VWA5B1: variants seen among roughly 807,000 people sequenced by gnomAD.
VWA5B1 encodes the protein von Willebrand factor A domain containing 5B1.
In VWA5B1, 115 loss-of-function variants were observed where a neutral mutation model predicts 118.2. The observed-to-expected ratio is 0.97, with a 90% CI of 0.84 to 1.14. The LOEUF (loss-of-function observed/expected upper bound fraction) is 1.14. Among genes scored for constraint, VWA5B1 ranks in the 50% most tolerant of loss-of-function variants. VWA5B1 has a pLI of 0.00. For synonymous variants in VWA5B1, 682 were observed against 658.4 expected, an observed-to-expected ratio of 1.04 and a Z score of -0.55; for missense variants, 1,596 against 1,603.8, an observed-to-expected ratio of 1.00 and a Z score of 0.08.
intron 16 of VWA5B1, among the ~76,000 whole-genome samples, chr1:20,344,814 T>G (rs1269328271): frequency 6.6e-6 from 1 of 152,230 alleles, no homozygotes; most frequent in African/African-American, 2.4e-5. Context: ...TCCCATGAGC[T>G]CCTCACCTTA....
rs1283491550 is a variant in VWA5B1, at chr1:20,291,451, G to T, written c.-27+363G>T. 5.9e-5 allele frequency among the ~76,000 whole-genome samples: 8 copies of T among 134,570 alleles called. No homozygotes were observed. In the East Asian group the frequency reaches 1.8e-3, roughly 31 times the overall value. 88.3% of individuals were successfully genotyped at this position (134,570 alleles called of 152,430 possible). On this transcript the variant is annotated intron_variant, in intron 1 of 21. Transcript: ENST00000289815. ...CTGCTCCCTCTTCTCTTTCTCGTTT[G>T]CTTTCTGTGTCTGTTTCTCTTTTTT...
chr1:20,327,102 A>G (rs2089409727), intron 8 of VWA5B1, among the ~76,000 whole-genome samples: 1 of 151,628 alleles, frequency 6.6e-6, no homozygotes, highest in South Asian at 2.1e-4. Flanking sequence ...TTTTCAGTCT[A>G]CCTTTATCAA....
chr1:20,316,987 C>G (rs2089029675), intron 4 of VWA5B1, among the ~76,000 whole-genome samples: 1 of 142,892 alleles, frequency 7.0e-6, no homozygotes, highest in Admixed American at 7.1e-5. Context: ...GAAGCTCCAT[C>G]TCTAGTAAAA....
intron 1 of VWA5B1, among the ~76,000 whole-genome samples, chr1:20,306,020 C>T (rs994114119): frequency 2.0e-5 from 3 of 151,880 alleles, no homozygotes; most frequent in African/African-American, 4.8e-5. Context: ...AAGGATGCAT[C>T]GATAAGAAAA....
chr1:20,295,007 C>T (rs1326065248), intron 1 of VWA5B1, among the ~76,000 whole-genome samples: 2 of 152,184 alleles, frequency 1.3e-5, no homozygotes, highest in African/African-American at 4.8e-5. Context: ...TAAGACCGCT[C>T]CATGCATGGA....
In VWA5B1 at chr1:20,330,927, T is replaced by C; in HGVS notation, c.1516T>C (p.Ser506Pro). ...CCACAGACTGGTGAAAGGACTGGCA[T>C]CTGTGTCCGAGGGCAGTGCTGAGCT... ...VCHRLVKGLA[S>P]VSEGSAELLM... Residue 506 changes from serine (S) to proline (P), a missense_variant, in exon 11 of 22, where the codon TCT becomes CCT. Transcript: ENST00000289815. The C allele has an allele frequency of 6.4e-7, 1 of 1,551,724 alleles. No individual in the cohort carries two copies. The highest frequency in any genetic ancestry group is 8.7e-7 in the Non-Finnish European group (1 of 1,146,996).
At chr1:20,314,694 A>T (rs1461458665) in intron 4 of VWA5B1, 102 bp downstream of exon 4, 5 of 1,477,048 alleles carry the variant, frequency 3.4e-6, no homozygotes, top group Non-Finnish European at 4.5e-6. Flanking sequence ...CAGGGAGGAG[A>T]TGGGGAGGCT....
Position 20,323,502 on chromosome 1 carries a change from CATG to C in VWA5B1, c.1115_1117del (p.Met372del). 1 of 1,517,336 alleles carries C rather than the reference CATG, an allele frequency of 6.6e-7. No homozygotes were observed. The highest frequency in any genetic ancestry group is 1.3e-5 in the South Asian group (1 of 78,616). The allele number at this position is 1,517,336 out of a possible 1,614,324, so 94.0% of individuals were successfully genotyped here. ...TCTTCCTCATTGACAGGAGCAGCAG[CATG>C]AGCGGGATCAGCATGCACCGAGTCA... On this transcript the variant is annotated inframe_deletion, in exon 8 of 22. Coordinates refer to ENST00000289815, the MANE Select transcript of VWA5B1 (RefSeq NM_001039500.3).
At chr1:20,344,310 C>T (rs2089963327) in intron 16 of VWA5B1, among the ~76,000 whole-genome samples, 1 of 152,154 alleles carries the variant, frequency 6.6e-6, no homozygotes, top group Admixed American at 6.5e-5. Context: ...TGACAGCCCA[C>T]ACCTTCCTCC....
Position 20,290,897 on chromosome 1 carries a change from C to A in VWA5B1, c.-218C>A, listed in dbSNP as rs1330450891. ...TCTGACAAAACAAATGGCTCGGCCT[C>A]CTGCAGGCCACCTAAACAGCTATCG... On this transcript the variant is annotated 5_prime_UTR_variant, in exon 1 of 22. Transcript: ENST00000289815. The A allele has an allele frequency of 6.6e-6, 1 of 152,376 alleles. No homozygotes were observed. The highest frequency in any genetic ancestry group is 2.4e-5 in the African/African-American group (1 of 41,458). 9.4% of individuals were successfully genotyped at this position (152,376 alleles called of 1,614,324 possible). A position where few individuals can be genotyped will look rare whatever the true frequency, so the allele number is the denominator to read the frequency against.
chr1:20,308,624 C>T (rs1351029568), intron 1 of VWA5B1, among the ~76,000 whole-genome samples: 2 of 152,174 alleles, frequency 1.3e-5, no homozygotes, highest in Admixed American at 6.5e-5. Flanking sequence ...AGAGAGATCT[C>T]CTGAGAGAAG....
intron 1 of VWA5B1, among the ~76,000 whole-genome samples, chr1:20,291,359 T>TTCTCTCTCTTTCTCTCTCTC: frequency 9.7e-6 from 1 of 103,408 alleles, no homozygotes; most frequent in East Asian, 3.0e-4. Flanking sequence ...CTTTCTTTCT[T>TTCTCTCTCTTTCTCTCTCTC]TCTCTCTCTC....
rs888446692 is a variant in VWA5B1, at chr1:20,357,961, C to T, written c.*3698C>T. 6.6e-6 allele frequency among the ~76,000 whole-genome samples: 1 copy of T among 152,184 alleles called. No individual in the cohort carries two copies. The highest frequency in any genetic ancestry group is 2.4e-5 in the African/African-American group (1 of 41,432). On this transcript the variant is annotated 3_prime_UTR_variant, in exon 22 of 22. Coordinates refer to ENST00000289815, the MANE Select transcript of VWA5B1 (RefSeq NM_001039500.3). ...CCTGCAACAGAGTGCCCCGAGGGCC[C>T]AACCTCCCACCACATGCAGATGCAG...
At chr1:20,348,421 T>G in intron 18 of VWA5B1, 63 bp downstream of exon 18, 1 of 1,506,332 alleles carries the variant, frequency 6.6e-7, no homozygotes, top group Non-Finnish European at 9.0e-7. Context: ...GCCCCTGAGG[T>G]TACCGCGTCC....
chr1:20,296,913 A>C (rs1199725686), intron 1 of VWA5B1, among the ~76,000 whole-genome samples: 1 of 152,206 alleles, frequency 6.6e-6, no homozygotes, highest in African/African-American at 2.4e-5. Flanking sequence ...ATGAATGACT[A>C]TGGAGTTCTT....
At position 20,355,317 on chromosome 1, in the gene VWA5B1, G is replaced by A. The variant is rs1264863494; in HGVS notation, c.*1054G>A. Among the ~76,000 whole-genome samples, 1 of 152,146 alleles carries A rather than the reference G, an allele frequency of 6.6e-6. No homozygotes were observed. The highest frequency in any genetic ancestry group is 2.4e-5 in the African/African-American group (1 of 41,452). On this transcript the variant is annotated 3_prime_UTR_variant, in exon 22 of 22. Coordinates refer to ENST00000289815, the MANE Select transcript of VWA5B1 (RefSeq NM_001039500.3). The stretch of plus-strand genomic sequence containing the variant: ...TGAAATGAATGAATTGACACTTCAG[G>A]CTGGATCCCCTAGGGGCTTCCTGCC...
chr1:20,301,700 C>T (rs796783642), intron 1 of VWA5B1, among the ~76,000 whole-genome samples: 27 of 152,330 alleles, frequency 1.8e-4, no homozygotes, highest in African/African-American at 6.0e-4. Context: ...GGACAAGGCT[C>T]GAAGCCACAT....
chr1:20,332,792 G>T lies in VWA5B1; in HGVS notation c.1599G>T (p.Met533Ile), dbSNP rs2089607748. 1.3e-6 allele frequency: 2 copies of T among 1,551,620 alleles called. No individual in the cohort carries two copies. Among genetic ancestry groups the T allele is most frequent in the South Asian group, 1.2e-5 (1 of 84,060 alleles). The change falls in exon 12 of 22, where the codon ATG becomes ATT. Residue 533 changes from methionine (M) to isoleucine (I), a missense_variant. Met to Ile is a conservative substitution (Grantham distance 10). Coordinates refer to ENST00000289815, the MANE Select transcript of VWA5B1 (RefSeq NM_001039500.3). The stretch of plus-strand genomic sequence containing the variant: ...TGGTCAAATCCTTGAAGAAGGCCAT[G>T]GCCCCAGTCCTGAGCGATGTGACTG... ...PKMVKSLKKA[M>I]APVLSDVTVE...
In VWA5B1 at chr1:20,323,516, G is replaced by T; in HGVS notation, c.1127G>T (p.Ser376Ile). 6.7e-7 allele frequency: 1 copy of T among 1,483,616 alleles called. No homozygotes were observed. The allele number at this position is 1,483,616 out of a possible 1,614,324, so 91.9% of individuals were successfully genotyped here. A position where few individuals can be genotyped will look rare whatever the true frequency, so the allele number is the denominator to read the frequency against. The stretch of plus-strand genomic sequence containing the variant: ...AGGAGCAGCAGCATGAGCGGGATCA[G>T]CATGCACCGAGTCAAGGTACCTGCT... ...IDRSSSMSGI[S>I]MHRVKDAMLV... The change falls in exon 8 of 22, where the codon AGC becomes ATC. Residue 376 changes from serine to isoleucine, a missense_variant. Ser to Ile is a moderately radical substitution (Grantham distance 142). Transcript: ENST00000289815.
Sources: allele counts gnomAD v4.1 joint callset (sites outside exome capture counted in the v4.1 genomes callset), GRCh38; gene constraint gnomAD v4.1.1; transcripts MANE v1.5; gene names NCBI Gene and HGNC (gene_info 2026-07-23, HGNC 2026-07-21).